The following PICALM variants were observed in gnomAD, a reference collection of about 807,000 sequenced individuals.
PICALM encodes the protein phosphatidylinositol binding clathrin assembly protein.
PICALM carries 40 observed loss-of-function variants against 80.5 expected under a neutral mutation model. The observed-to-expected ratio is 0.50, with a 90% CI of 0.39 to 0.65. PICALM has a LOEUF of 0.65. Ranked by LOEUF, PICALM falls within the 30% of genes least tolerant of loss-of-function variation. The probability of loss-of-function intolerance (pLI) is 0.00; values close to 1 mark genes in which losing one functional copy is unlikely to be tolerated. For missense variants in PICALM, 676 were observed against 778.9 expected, an observed-to-expected ratio of 0.87 and a Z score of 1.57; for synonymous variants, 288 against 260.3, an observed-to-expected ratio of 1.11 and a Z score of -1.02.
chr11:86,049,650 C>T (rs938055895), intron 1 of PICALM, among the ~76,000 whole-genome samples: 1 of 151,228 alleles, frequency 6.6e-6, no homozygotes, highest in African/African-American at 2.4e-5. Context: ...CCAGGCTGGT[C>T]TCAAACTCCT....
intron 5 of PICALM, among the ~76,000 whole-genome samples, chr11:86,013,748 A>G (rs1437362753): frequency 6.6e-6 from 1 of 152,178 alleles, no homozygotes; most frequent in East Asian, 1.9e-4. Context: ...CTGCATCAGT[A>G]CCCCATGCCT....
At position 86,006,879 on chromosome 11, in the gene PICALM, C is replaced by G. The variant is rs1467658557; in HGVS notation, c.807+663G>C. On this transcript the variant is annotated intron_variant, in intron 8 of 19. Coordinates refer to ENST00000393346, the MANE Select transcript of PICALM (RefSeq NM_007166.4). Reference sequence around the variant, plus strand: ...GATGATAAAGACAATATTAAAATAGCAAACATTAGTTGAGTGTGTTTAATG... The same window carrying G: ...GATGATAAAGACAATATTAAAATAGGAAACATTAGTTGAGTGTGTTTAATG... Among the ~76,000 whole-genome samples the G allele has an allele frequency of 3.9e-5, 6 of 152,152 alleles. No homozygotes were observed. The East Asian group carries it at 1.2e-3, about 29-fold the overall frequency.
intron 1 of PICALM, among the ~76,000 whole-genome samples, chr11:86,040,956 T>C (rs2095953363): frequency 1.3e-5 from 2 of 152,220 alleles, no homozygotes; most frequent in African/African-American, 2.4e-5. Flanking sequence ...ATTATGGTGA[T>C]TGTAATCTGT....
At chr11:85,959,679 A>G (rs188314312) in intron 19 of PICALM, among the ~76,000 whole-genome samples, 1 of 146,012 alleles carries the variant, frequency 6.8e-6, no homozygotes, top group Non-Finnish European at 1.5e-5. Context: ...TCCTGGGCTC[A>G]AGCAACCCTC....
chr11:85,986,192 G>C (rs906867351), intron 13 of PICALM, among the ~76,000 whole-genome samples: 1 of 152,024 alleles, frequency 6.6e-6, no homozygotes, highest in Non-Finnish European at 1.5e-5. Context: ...TTTGCTTAAA[G>C]TCACACAGTT....
intron 13 of PICALM, among the ~76,000 whole-genome samples, chr11:85,987,827 C>T (rs2094625749): frequency 6.6e-6 from 1 of 152,150 alleles, no homozygotes. Context: ...TAGCAAAGTG[C>T]TAGATGTTAC....
chr11:85,974,667 A>T, intron 19 of PICALM, 41 bp downstream of exon 19: 1 of 1,307,512 alleles, frequency 7.6e-7, no homozygotes, highest in Non-Finnish European at 1.1e-6. Flanking sequence ...TATTCCTTCC[A>T]AATCAAACAC....
intron 9 of PICALM, among the ~76,000 whole-genome samples, chr11:86,002,219 T>C (rs1414478682): frequency 2.0e-5 from 3 of 152,194 alleles, no homozygotes; most frequent in Non-Finnish European, 2.9e-5. Context: ...AAAATCTTAC[T>C]AGAAAATTCA....
intron 16 of PICALM, 95 bp from the exon 17 acceptor site, chr11:85,981,323 A>T (rs1263131415): frequency 4.0e-6 from 3 of 747,700 alleles, no homozygotes; most frequent in Non-Finnish European, 6.7e-6. Context: ...TAGAGACTTG[A>T]GGCTGGGCGT....
At chr11:86,019,478 G>A (rs1232742304) in intron 4 of PICALM, among the ~76,000 whole-genome samples, 1 of 152,052 alleles carries the variant, frequency 6.6e-6, no homozygotes, top group Non-Finnish European at 1.5e-5. Context: ...CTATTCTCAA[G>A]ACTGGCCCTT....
intron 1 of PICALM, among the ~76,000 whole-genome samples, chr11:86,052,106 T>C (rs748808277): frequency 1.3e-5 from 2 of 152,158 alleles, no homozygotes; most frequent in Non-Finnish European, 2.9e-5. Context: ...ATAATACCCA[T>C]GTGAAGGACA....
intron 1 of PICALM, among the ~76,000 whole-genome samples, chr11:86,048,183 T>G (rs2096111021): frequency 1.3e-5 from 2 of 152,360 alleles, no homozygotes; most frequent in South Asian, 4.1e-4. Context: ...AAGGAGTATC[T>G]TAGTATCCCA....
intron 2 of PICALM, among the ~76,000 whole-genome samples, chr11:86,028,299 A>C (rs2095685887): frequency 6.6e-6 from 1 of 152,218 alleles, no homozygotes; most frequent in Non-Finnish European, 1.5e-5. Flanking sequence ...GGATTATCCT[A>C]AACCTTCATT....
At position 85,959,750 on chromosome 11, in the gene PICALM, T is replaced by C. The variant is rs560202994; in HGVS notation, c.1945-690A>G. On this transcript the variant is annotated intron_variant, in intron 19 of 19. Coordinates refer to ENST00000393346, the MANE Select transcript of PICALM (RefSeq NM_007166.4). ...AGTCGCCACCACACCTGGGTAATTT[T>C]TGGGTGGGGGTAGAGACTAGGGTCT... Among the ~76,000 whole-genome samples, 9 of 151,930 alleles carry C rather than the reference T, an allele frequency of 5.9e-5. No individual in the cohort carries two copies. In the South Asian group the frequency reaches 1.7e-3, roughly 28 times the overall value.
intron 1 of PICALM, among the ~76,000 whole-genome samples, chr11:86,035,998 A>G (rs1384770008): frequency 6.6e-6 from 1 of 151,734 alleles, no homozygotes; most frequent in Non-Finnish European, 1.5e-5. Flanking sequence ...TAAAATTAAT[A>G]TGGAAGGCAA....
chr11:85,998,137 A>C (rs1175391209), intron 11 of PICALM, among the ~76,000 whole-genome samples: 1 of 150,918 alleles, frequency 6.6e-6, no homozygotes, highest in South Asian at 2.1e-4. Flanking sequence ...TTTGAGACAG[A>C]GTCTCGCTCC....
At chr11:85,967,548 T>A (rs1440954596) in intron 19 of PICALM, among the ~76,000 whole-genome samples, 1 of 152,168 alleles carries the variant, frequency 6.6e-6, no homozygotes, top group East Asian at 1.9e-4. Context: ...TACATCCCAA[T>A]CCCCAAGGAA....
At position 85,962,555 on chromosome 11, in the gene PICALM, G is replaced by A. The variant is rs183407474; in HGVS notation, c.1945-3495C>T. The stretch of plus-strand genomic sequence containing the variant: ...AGAGACAAATCTATTTTCAATATGT[G>A]AGCATACTGCTAGACAAGTCCTAGA... On this transcript the variant is annotated intron_variant, in intron 19 of 19. Transcript: ENST00000393346. 4.4e-4 allele frequency among the ~76,000 whole-genome samples: 67 copies of A among 152,274 alleles called. 1 individual carries two copies. The highest frequency in any genetic ancestry group is 3.9e-3 in the Admixed American group (60 of 15,292).
intron 1 of PICALM, among the ~76,000 whole-genome samples, chr11:86,055,929 A>C (rs1245851543): frequency 6.6e-6 from 1 of 151,964 alleles, no homozygotes; most frequent in East Asian, 1.9e-4. Flanking sequence ...TGAGGTCAGG[A>C]GTTCAAGACC....
Sources: allele counts gnomAD v4.1 joint callset (sites outside exome capture counted in the v4.1 genomes callset), GRCh38; gene constraint gnomAD v4.1.1; transcripts MANE v1.5; gene names NCBI Gene and HGNC (gene_info 2026-07-23, HGNC 2026-07-21).